The following VTI1A variants were observed in gnomAD, a reference collection of about 807,000 sequenced individuals.
The protein encoded by VTI1A is vesicle transport through interaction with t-SNAREs homolog 1A.
VTI1A carries 22 observed loss-of-function variants against 34.9 expected under a neutral mutation model. The observed-to-expected ratio is 0.63, with a 90% CI of 0.45 to 0.90. The LOEUF (loss-of-function observed/expected upper bound fraction) is 0.90. Ranked by LOEUF, VTI1A falls within the 40% of genes least tolerant of loss-of-function variation. The probability of loss-of-function intolerance (pLI) is 0.00; values close to 1 mark genes in which losing one functional copy is unlikely to be tolerated. For missense variants in VTI1A, 268 were observed against 275.6 expected, an observed-to-expected ratio of 0.97 and a Z score of 0.20; for synonymous variants, 87 against 97.3, an observed-to-expected ratio of 0.89 and a Z score of 0.62.
intron 5 of VTI1A, among the ~76,000 whole-genome samples, chr10:112,565,960 G>A (rs1851891784): frequency 2.0e-5 from 3 of 151,916 alleles, no homozygotes; most frequent in Admixed American, 6.6e-5. Flanking sequence ...AATATAATTT[G>A]TAACTTAAGC....
At chr10:112,626,755 G>A (rs1474177114) in intron 5 of VTI1A, among the ~76,000 whole-genome samples, 1 of 152,184 alleles carries the variant, frequency 6.6e-6, no homozygotes, top group Non-Finnish European at 1.5e-5. Context: ...GTACATTGGG[G>A]ATGACTTTGT....
chr10:112,526,616 T>C (rs565750763), intron 3 of VTI1A, among the ~76,000 whole-genome samples: 2 of 152,138 alleles, frequency 1.3e-5, no homozygotes, highest in East Asian at 3.9e-4. Context: ...CATTGCAGAG[T>C]ATAGTTGGAG....
intron 5 of VTI1A, among the ~76,000 whole-genome samples, chr10:112,577,712 G>A (rs117213559): frequency 2.9e-4 from 44 of 152,372 alleles, no homozygotes; most frequent in Middle Eastern, 3.4e-3. Flanking sequence ...CCTGGTAGTA[G>A]TGTGGGAAAG....
intron 7 of VTI1A, among the ~76,000 whole-genome samples, chr10:112,795,376 A>T (rs34562081): frequency 0.21 from 31,698 of 151,070 alleles, 3,838 homozygotes; most frequent in East Asian, 0.27. Context: ...ACTAAAAAAA[A>T]TTTTTAAATA....
At chr10:112,612,463 G>A (rs761276067) in intron 5 of VTI1A, among the ~76,000 whole-genome samples, 6 of 151,992 alleles carry the variant, frequency 3.9e-5, no homozygotes, top group Admixed American at 2.0e-4. Context: ...CTGTCACCCC[G>A]GCTGGAGTGC....
chr10:112,533,944 C>A (rs764789838), intron 4 of VTI1A, among the ~76,000 whole-genome samples: 6 of 151,816 alleles, frequency 4.0e-5, no homozygotes, highest in African/African-American at 7.3e-5. Context: ...ATTTACTTTA[C>A]TGTAAACTGT....
chr10:112,829,373 G>A, the VTI1A span, among the ~76,000 whole-genome samples: 2 of 151,810 alleles, frequency 1.3e-5, no homozygotes, highest in African/African-American at 2.4e-5. Context: ...GAACCCGGGA[G>A]GTGGAGCTTG....
intron 5 of VTI1A, among the ~76,000 whole-genome samples, chr10:112,658,224 A>G (rs1261372729): frequency 6.6e-6 from 1 of 152,058 alleles, no homozygotes; most frequent in African/African-American, 2.4e-5. Flanking sequence ...AGAAGCTGAT[A>G]CCACAGGCAT....
intron 4 of VTI1A, chr10:112,533,649 G>A (rs1564816318): frequency 4.1e-6 from 3 of 733,810 alleles, no homozygotes; most frequent in Admixed American, 1.2e-4. Context: ...GTTTTTCCAG[G>A]TAAATCTATA....
chr10:112,606,536 T>G (rs1316409025), intron 5 of VTI1A, among the ~76,000 whole-genome samples: 1 of 152,196 alleles, frequency 6.6e-6, no homozygotes, highest in African/African-American at 2.4e-5. Flanking sequence ...AGAACTAATG[T>G]CTGCATTTCC....
chr10:112,675,619 C>T (rs1022938710), intron 7 of VTI1A, among the ~76,000 whole-genome samples: 2 of 152,198 alleles, frequency 1.3e-5, no homozygotes, highest in Non-Finnish European at 2.9e-5. Flanking sequence ...CGAGAAATAA[C>T]AACACCGTGC....
At chr10:112,533,465 C>T in intron 4 of VTI1A, 1 of 946,624 alleles carries the variant, frequency 1.1e-6, no homozygotes, top group Non-Finnish European at 1.3e-6. Context: ...TCCTGTCAGA[C>T]AACTGATCTT....
In VTI1A at chr10:112,513,908, C is replaced by T. The variant is rs535277190; in HGVS notation, c.265-13179C>T. ...CTCACTTGATCATGGTGAATGATTC[C>T]TTTAATGTATTCTGGAATTCAGTTT... is the stretch of plus-strand genomic sequence containing the variant. On this transcript the variant is annotated intron_variant, in intron 3 of 7. Coordinates refer to ENST00000393077, the MANE Select transcript of VTI1A (RefSeq NM_145206.4). 7.2e-5 allele frequency among the ~76,000 whole-genome samples: 11 copies of T among 151,862 alleles called. No homozygotes were observed. The South Asian group carries it at 2.3e-3, about 32-fold the overall frequency.
chr10:112,669,055 T>C (rs1213703974), intron 7 of VTI1A, 57 bp downstream of exon 7: 2 of 1,592,982 alleles, frequency 1.3e-6, no homozygotes, highest in Non-Finnish European at 1.7e-6. Context: ...AAATACTATG[T>C]TTTCATTCAA....
intron 3 of VTI1A, among the ~76,000 whole-genome samples, chr10:112,477,525 C>T (rs528197237): frequency 8.5e-5 from 13 of 152,306 alleles, no homozygotes; most frequent in Middle Eastern, 3.4e-3. Context: ...AAACAAGTTA[C>T]CACTGTCTTG....
chr10:112,473,820 A>G (rs1848186633), intron 3 of VTI1A, among the ~76,000 whole-genome samples: 1 of 152,200 alleles, frequency 6.6e-6, no homozygotes, highest in African/African-American at 2.4e-5. Context: ...TTTAATCCAC[A>G]AACAATTATA....
chr10:112,695,337 C>T (rs905328676), intron 7 of VTI1A, among the ~76,000 whole-genome samples: 1 of 151,610 alleles, frequency 6.6e-6, no homozygotes, highest in African/African-American at 2.4e-5. Context: ...TATGTATTTA[C>T]ATAAATAAAA....
chr10:112,818,593 G>T lies in VTI1A; in HGVS notation c.*3210G>T, dbSNP rs1424614089. The T allele has an allele frequency of 4.5e-6, 1 of 221,574 alleles. No individual in the cohort carries two copies. Among genetic ancestry groups the T allele is most frequent in the East Asian group, 6.6e-5 (1 of 15,134 alleles). The allele number at this position is 221,574 out of a possible 1,614,324, so 13.7% of individuals were successfully genotyped here. A position where few individuals can be genotyped will look rare whatever the true frequency, so the allele number is the denominator to read the frequency against. On this transcript the variant is annotated 3_prime_UTR_variant, in exon 8 of 8. Coordinates refer to ENST00000393077, the MANE Select transcript of VTI1A (RefSeq NM_145206.4). ...GACTGACTGACAGCCGTCAGTCCCA[G>T]AGGGGCTCATTAAATCATAAAAACT...
rs543565352 is a variant in VTI1A, at chr10:112,786,475, A to G, written c.561-28815A>G. 3.3e-5 allele frequency among the ~76,000 whole-genome samples: 5 copies of G among 152,258 alleles called. No homozygotes were observed. The East Asian group carries it at 9.7e-4, about 29-fold the overall frequency. On this transcript the variant is annotated intron_variant, in intron 7 of 7. Transcript: ENST00000393077. ...TGCACTGGCTAGAAGCTCCAATACA[A>G]TTTTGGACAGAAGTGGTAAGAGCAG...
Sources: allele counts gnomAD v4.1 joint callset (sites outside exome capture counted in the v4.1 genomes callset), GRCh38; gene constraint gnomAD v4.1.1; transcripts MANE v1.5; gene names NCBI Gene and HGNC (gene_info 2026-07-23, HGNC 2026-07-21).